GINM1: variants seen among roughly 807,000 people sequenced by gnomAD.
GINM1 encodes glycosylated integral membrane protein 1.
A neutral mutation model predicts 37.8 loss-of-function variants in GINM1; 29 were observed. That is an observed-to-expected ratio of 0.77 (90% CI 0.57 to 1.05). The LOEUF is 1.05. GINM1 is among the 50% of genes least tolerant of loss of function. The pLI is 0.00. For missense variants in GINM1, 377 were observed against 397.9 expected (o/e 0.95, Z 0.45); for synonymous variants, 143 against 146.2 (o/e 0.98, Z 0.16).
intron 6 of GINM1, 43 bp downstream of exon 6, chr6:149,580,766 G>A: frequency 6.7e-7 from 1 of 1,494,736 alleles, no homozygotes. Context: ...TCATGGTTAA[G>A]ATGAAGAAAA....
intron 1 of GINM1, among the ~76,000 whole-genome samples, chr6:149,569,337 CTT>C (rs372296900): frequency 1.5e-4 from 19 of 123,806 alleles, no homozygotes; most frequent in Non-Finnish European, 2.2e-4. Context: ...CGCCCGGTCA[CTT>C]TTTTTTTTTT....
At chr6:149,586,418 T>C (rs1489358303) in intron 7 of GINM1, among the ~76,000 whole-genome samples, 1 of 152,142 alleles carries the variant, frequency 6.6e-6, no homozygotes, top group Non-Finnish European at 1.5e-5. Context: ...GCCCAAACAC[T>C]TCCTATTAGG....
chr6:149,571,082 G>T (rs958131997), intron 1 of GINM1, among the ~76,000 whole-genome samples: 18 of 152,242 alleles, frequency 1.2e-4, no homozygotes, highest in African/African-American at 4.3e-4. Context: ...TTGGGAGGCC[G>T]AGGTGGGTGG....
chr6:149,588,795 T>TTTGTTG (rs535417334), intron 7 of GINM1, among the ~76,000 whole-genome samples: 30 of 150,958 alleles, frequency 2.0e-4, no homozygotes, highest in Non-Finnish European at 3.5e-4. Flanking sequence ...GCCTGGCTAA[T>TTTGTTG]TTGTTGTTGT....
At chr6:149,576,182 G>A (rs1777911485) in intron 3 of GINM1, 2 of 152,112 alleles carry the variant, frequency 1.3e-5, no homozygotes, top group Admixed American at 6.6e-5. Context: ...CTGCTTCCCA[G>A]CTCACTCATG....
intron 1 of GINM1, among the ~76,000 whole-genome samples, chr6:149,568,516 T>G (rs1470431892): frequency 6.6e-6 from 1 of 152,262 alleles, no homozygotes; most frequent in East Asian, 1.9e-4. Context: ...GCACTTGAAA[T>G]GTGGCCAGTG....
intron 1 of GINM1, among the ~76,000 whole-genome samples, chr6:149,571,487 G>A (rs554473649): frequency 6.6e-6 from 1 of 152,188 alleles, no homozygotes; most frequent in Admixed American, 6.5e-5. Context: ...AAGAATACAT[G>A]TGTACTGTTA....
chr6:149,586,858 C>T lies in GINM1; in HGVS notation c.882-3869C>T, dbSNP rs530724949. Among the ~76,000 whole-genome samples the T allele has an allele frequency of 2.1e-4, 31 of 151,090 alleles. 2 individuals are homozygous for T. The South Asian group carries it at 6.2e-3, about 30-fold the overall frequency. On this transcript the variant is annotated intron_variant, in intron 7 of 7. Coordinates refer to ENST00000367419, the MANE Select transcript of GINM1 (RefSeq NM_138785.5). ...CTCAATCTCCCAAGACTCAAGTGAT[C>T]CTCTCACCTCAATCTCCCAAGACTC...
Position 149,579,878 on chromosome 6 carries a change from C to T in GINM1, c.474C>T (p.Asn158=), listed in dbSNP as rs1159838934. The T allele has an allele frequency of 1.2e-6, 2 of 1,604,516 alleles. No homozygotes were observed. The highest frequency in any genetic ancestry group is 2.7e-5 in the African/African-American group (2 of 74,686). ...DVTEIDILVK[N]RGVLRHSNYT... The stretch of plus-strand genomic sequence containing the variant: ...CTGAAATTGATATTTTAGTTAAGAA[C>T]CGGGGAGTACTCAGACATTCAAACT... Residue 158 remains asparagine (N), a synonymous_variant, in exon 5 of 8, where the codon AAC becomes AAT. Coordinates refer to ENST00000367419, the MANE Select transcript of GINM1 (RefSeq NM_138785.5).
At chr6:149,587,229 T>G (rs185367629) in intron 7 of GINM1, among the ~76,000 whole-genome samples, 67 of 152,296 alleles carry the variant, frequency 4.4e-4, no homozygotes, top group African/African-American at 1.6e-3. Context: ...GTACTTCACG[T>G]TTGGGCACCA....
chr6:149,581,322 C>G lies in GINM1; in HGVS notation c.717+599C>G, dbSNP rs1777996053. 2.0e-5 allele frequency among the ~76,000 whole-genome samples: 3 copies of G among 152,120 alleles called. No individual in the cohort carries two copies. The South Asian group carries it at 6.2e-4, about 31-fold the overall frequency. ...TACAGGCACACGCTACCACGCCCAG[C>G]TAATTTTTGTATTTTTAGTAGAGAT... On this transcript the variant is annotated intron_variant, in intron 6 of 7. Transcript: ENST00000367419.
chr6:149,569,814 G>A (rs1237532290), intron 1 of GINM1, among the ~76,000 whole-genome samples: 1 of 151,954 alleles, frequency 6.6e-6, no homozygotes, highest in Non-Finnish European at 1.5e-5. Flanking sequence ...GTCCCCAGTG[G>A]GCATCCTATG....
At chr6:149,574,089 T>C (rs1777873331) in intron 3 of GINM1, among the ~76,000 whole-genome samples, 1 of 150,816 alleles carries the variant, frequency 6.6e-6, no homozygotes, top group Non-Finnish European at 1.5e-5. Context: ...TTGCTCTTGT[T>C]GTCCAGGCTG....
chr6:149,582,131 C>T, intron 6 of GINM1: 1 of 494,778 alleles, frequency 2.0e-6, no homozygotes, highest in South Asian at 1.6e-5. Flanking sequence ...TGTCAATTAG[C>T]AATTATTTTC....
At chr6:149,581,927 T>A in intron 6 of GINM1, 1 of 430,122 alleles carries the variant, frequency 2.3e-6, no homozygotes, top group Non-Finnish European at 4.8e-6. Flanking sequence ...TCATAGTCCG[T>A]GCCATCAGTG....
chr6:149,577,151 C>T (rs909138451), intron 3 of GINM1, among the ~76,000 whole-genome samples: 2 of 152,182 alleles, frequency 1.3e-5, no homozygotes, highest in Non-Finnish European at 2.9e-5. Context: ...ATGAGATTTG[C>T]GGGGAACATC....
intron 1 of GINM1, among the ~76,000 whole-genome samples, chr6:149,567,435 G>A (rs1777739217): frequency 6.6e-6 from 1 of 152,104 alleles, no homozygotes; most frequent in Admixed American, 6.6e-5. Context: ...CGAAGGGCAC[G>A]GTAAGTGTCA....
chr6:149,568,672 G>A (rs774073178), intron 1 of GINM1, among the ~76,000 whole-genome samples: 11 of 152,144 alleles, frequency 7.2e-5, no homozygotes, highest in Non-Finnish European at 1.2e-4. Flanking sequence ...GTCCATCCTC[G>A]TTTCCAGTCT....
At chr6:149,578,684 G>C in intron 3 of GINM1, 138 bp from the exon 4 acceptor site, 1 of 548,792 alleles carries the variant, frequency 1.8e-6, no homozygotes, top group Non-Finnish European at 3.2e-6. Flanking sequence ...AAACAGCATT[G>C]AGGTCAGGGA....
Sources: allele counts gnomAD v4.1 joint callset (sites outside exome capture counted in the v4.1 genomes callset), GRCh38; gene constraint gnomAD v4.1.1; transcripts MANE v1.5; gene names NCBI Gene and HGNC (gene_info 2026-07-23, HGNC 2026-07-21).